Variants in COL5A1 observed in about 807,000 individuals in gnomAD.
The protein encoded by COL5A1 is collagen type V alpha 1 chain, also known as collagen alpha-1(V) chain.
COL5A1 carries 16 observed loss-of-function variants against 263.7 expected under a neutral mutation model. The ratio of observed to expected loss-of-function variants is 0.06; its 90% CI spans 0.04 to 0.09. The LOEUF (loss-of-function observed/expected upper bound fraction) is 0.09, where lower values mean the gene tolerates loss of function less well. Ranked by LOEUF, COL5A1 falls within the 10% of genes least tolerant of loss-of-function variation. The pLI, the probability that COL5A1 is intolerant of heterozygous loss-of-function variation, is 1.00. For missense variants in COL5A1, 2,036 were observed against 2,540.5 expected, an observed-to-expected ratio of 0.80 and a Z score of 4.27; for synonymous variants, 1,012 against 1,004.5, an observed-to-expected ratio of 1.01 and a Z score of -0.14.
intron 63 of COL5A1, among the ~76,000 whole-genome samples, chr9:134,829,053 TG>T (rs1341423280): frequency 6.6e-6 from 1 of 152,176 alleles, no homozygotes; most frequent in Non-Finnish European, 1.5e-5. Flanking sequence ...GCTGTGAGGA[TG>T]GGATGAGGAT....
intron 28 of COL5A1, among the ~76,000 whole-genome samples, chr9:134,782,367 A>G (rs571052638): frequency 6.6e-6 from 1 of 152,308 alleles, no homozygotes; most frequent in Non-Finnish European, 1.5e-5. Context: ...TGATACCGGG[A>G]GCTCAGGGGC....
chr9:134,644,589 C>CA (rs1554773017), intron 1 of COL5A1, among the ~76,000 whole-genome samples: 1 of 83,970 alleles, frequency 1.2e-5, no homozygotes, highest in Non-Finnish European at 2.5e-5. Context: ...GAGGCAGGCG[C>CA]GGGGGGGAGC....
chr9:134,835,192 G>T lies in COL5A1; in HGVS notation c.5358G>T (p.Val1786=), dbSNP rs766205598. 4.3e-6 allele frequency: 7 copies of T among 1,613,368 alleles called. No individual in the cohort carries two copies. The highest frequency in any genetic ancestry group is 1.3e-5 in the African/African-American group (1 of 74,938). ...ACAACCCCTACATCCGCGCCCTGGT[G>T]GACGGCTGTGCTGTGAGTATCCCGC... ...YDNNPYIRAL[V]DGCATKKGYQ... is the part of the protein sequence containing the mutation. The change falls in exon 65 of 66, where the codon GTG becomes GTT. Residue 1786 remains valine, a synonymous_variant. Coordinates refer to ENST00000371817, the MANE Select transcript of COL5A1 (RefSeq NM_000093.5).
At chr9:134,763,907 A>C (rs1020236583) in intron 20 of COL5A1, among the ~76,000 whole-genome samples, 170 bp downstream of exon 20, 1 of 151,740 alleles carries the variant, frequency 6.6e-6, no homozygotes, top group East Asian at 2.0e-4. Context: ...GAGAGGAGGC[A>C]CAGGCGAGGC....
rs576760264 is a variant in COL5A1, at chr9:134,696,311, T to C, written c.278-3598T>C. On this transcript the variant is annotated intron_variant, in intron 2 of 65. Transcript: ENST00000371817. This position sits in a 1 kb window ranked among gnomAD's most constrained non-coding sequence, Gnocchi z 4.3. Reference sequence around the variant, plus strand: ...GCCTCAGCCCCCCGAGTAGTTGGGATTACAGGTGTGTGCCACCACACCCGG... The same window carrying C: ...GCCTCAGCCCCCCGAGTAGTTGGGACTACAGGTGTGTGCCACCACACCCGG... Among the ~76,000 whole-genome samples, 55 of 152,140 alleles carry C rather than the reference T, an allele frequency of 3.6e-4. No individual in the cohort carries two copies. The highest frequency in any genetic ancestry group is 3.4e-3 in the Middle Eastern group (1 of 294).
At chr9:134,675,163 G>A (rs1349678382) in intron 1 of COL5A1, among the ~76,000 whole-genome samples, 1 of 152,148 alleles carries the variant, frequency 6.6e-6, no homozygotes, top group Non-Finnish European at 1.5e-5. Flanking sequence ...GCATGTAATT[G>A]TTGGGTGAGC....
chr9:134,793,411 C>T (rs1837790255), intron 32 of COL5A1, among the ~76,000 whole-genome samples: 1 of 152,144 alleles, frequency 6.6e-6, no homozygotes, highest in Non-Finnish European at 1.5e-5. Flanking sequence ...TCCACAGCTC[C>T]AGTCACAGGG....
rs373446359 is a variant in COL5A1 at position 134,738,540 on chromosome 9, A to G, written c.1431+25A>G. 1.0e-4 allele frequency: 161 copies of G among 1,613,738 alleles called. No homozygotes were observed. In the African/African-American group the frequency reaches 2.0e-3, roughly 20 times the overall value. On this transcript the variant is annotated intron_variant, in intron 10 of 65. Transcript: ENST00000371817. Reference sequence around the variant, plus strand: ...GGTGAGTATCCGGCTTTATCCTGTGACTTGCAGAAGGTGCTCTTGGTGGGG... The same window carrying G: ...GGTGAGTATCCGGCTTTATCCTGTGGCTTGCAGAAGGTGCTCTTGGTGGGG...
chr9:134,697,803 A>G (rs2132565051), intron 2 of COL5A1, among the ~76,000 whole-genome samples: 1 of 152,252 alleles, frequency 6.6e-6, no homozygotes, highest in Middle Eastern at 3.4e-3. Flanking sequence ...ACATCCCCTC[A>G]TGTGGAAGGA....
chr9:134,712,039 C>CT (rs1308165413), intron 4 of COL5A1, among the ~76,000 whole-genome samples: 2 of 66,400 alleles, frequency 3.0e-5, no homozygotes, highest in African/African-American at 1.2e-4. Context: ...CCCCTTCTTC[C>CT]TGCCCCCTTC....
In COL5A1 at chr9:134,691,153, A is replaced by G. The variant is rs12551860; in HGVS notation, c.277+74A>G. 201,892 of 1,584,424 alleles carry G rather than the reference A, an allele frequency of 0.13. 13,910 individuals are homozygous for G. Among genetic ancestry groups the G allele is most frequent in the Admixed American group, 0.2 (11,655 of 59,502 alleles). On this transcript the variant is annotated intron_variant, in intron 2 of 65. Transcript: ENST00000371817. ...TGGCCTCCAGCCAGGAGCAGCGCTC[A>G]AGCCTGCGTGGTGGCAGAAGCGGGC...
intron 64 of COL5A1, among the ~76,000 whole-genome samples, chr9:134,832,439 A>G (rs2132916603): frequency 6.6e-6 from 1 of 152,286 alleles, no homozygotes; most frequent in African/African-American, 2.4e-5. Flanking sequence ...AGAAATGGGA[A>G]TTTTATCTGG....
At chr9:134,719,403 C>T (rs546588901) in intron 4 of COL5A1, among the ~76,000 whole-genome samples, 3 of 152,360 alleles carry the variant, frequency 2.0e-5, no homozygotes, top group Admixed American at 1.3e-4. Flanking sequence ...TGCATCAACA[C>T]GGTACCGGAC....
intron 31 of COL5A1, among the ~76,000 whole-genome samples, 163 bp from the exon 32 acceptor site, chr9:134,788,992 G>C (rs1276997695): frequency 6.8e-6 from 1 of 146,078 alleles, no homozygotes; most frequent in African/African-American, 2.5e-5. Flanking sequence ...AGGTGGATAG[G>C]TGAGAAGGTA....
chr9:134,759,850 C>G (rs1378389133), intron 18 of COL5A1, among the ~76,000 whole-genome samples: 32 of 72,666 alleles, frequency 4.4e-4, no homozygotes, highest in African/African-American at 2.8e-3. Flanking sequence ...ACGCACACCC[C>G]CACACCCCCA....
chr9:134,775,497 C>T (rs985052103), intron 27 of COL5A1, among the ~76,000 whole-genome samples: 15 of 152,208 alleles, frequency 9.9e-5, no homozygotes, highest in African/African-American at 2.2e-4. Context: ...TTACATGGGG[C>T]GCACAGCTCC....
In COL5A1 at chr9:134,642,231, C is replaced by G; in HGVS notation, c.44C>G (p.Pro15Arg). Residue 15 changes from proline to arginine, a missense_variant, in exon 1 of 66, where the codon CCG becomes CGG. Pro to Arg is a moderately radical substitution (Grantham distance 103, BLOSUM62 -2). This residue lies in a region of COL5A1 where 600 missense variants were observed against 634.5 expected (regional missense o/e 0.95). Coordinates refer to ENST00000371817, the MANE Select transcript of COL5A1 (RefSeq NM_000093.5). This position sits in a 1 kb window ranked among gnomAD's most constrained non-coding sequence, Gnocchi z 4.5. ...TGGAAAGCGCGCAGCGCGCTCCGCC[C>G]GGGCGCCCCGCTGCTGCCCCCGCTG... ...TRWKARSALR[P>R]GAPLLPPLLL... 1 of 1,295,804 alleles carries G rather than the reference C, an allele frequency of 7.7e-7. No individual in the cohort carries two copies. The highest frequency in any genetic ancestry group is 2.3e-5 in the South Asian group (1 of 43,306). 80.3% of individuals were successfully genotyped at this position (1,295,804 alleles called of 1,614,324 possible). A position where few individuals can be genotyped will look rare whatever the true frequency, so the allele number is the denominator to read the frequency against.
At chr9:134,811,274 C>T (rs1420021029) in intron 44 of COL5A1, 65 bp from the exon 45 acceptor site, 5 of 1,473,980 alleles carry the variant, frequency 3.4e-6, no homozygotes, top group East Asian at 4.5e-5. Flanking sequence ...GGATGCGGTC[C>T]ACCCCTCCCT....
intron 36 of COL5A1, among the ~76,000 whole-genome samples, 171 bp downstream of exon 36, chr9:134,797,072 C>A (rs1227722691): frequency 6.6e-6 from 1 of 152,132 alleles, no homozygotes; most frequent in Non-Finnish European, 1.5e-5. Flanking sequence ...AGGGGGAGAC[C>A]CCCCCACCGC....
Sources: allele counts gnomAD v4.1 joint callset (sites outside exome capture counted in the v4.1 genomes callset), GRCh38; gene constraint gnomAD v4.1.1; regional missense constraint gnomAD v4.1.1; non-coding constraint Gnocchi (gnomAD v3.1); transcripts MANE v1.5; gene names NCBI Gene and HGNC (gene_info 2026-07-23, HGNC 2026-07-21).